MELK: variants seen among roughly 807,000 people sequenced by gnomAD.
MELK encodes maternal embryonic leucine zipper kinase, also known as pEg3 kinase.
MELK carries 81 observed loss-of-function variants against 85.0 expected under a neutral mutation model. The observed-to-expected ratio is 0.95, with a 90% CI of 0.80 to 1.15. The LOEUF (loss-of-function observed/expected upper bound fraction) is 1.15. Among genes scored for constraint, MELK ranks in the 50% most tolerant of loss-of-function variants. The probability of loss-of-function intolerance (pLI) is 0.00; values close to 1 mark genes in which losing one functional copy is unlikely to be tolerated. For missense variants in MELK, 754 were observed against 777.5 expected (o/e 0.97, Z 0.36); for synonymous variants, 252 against 265.0 (o/e 0.95, Z 0.48).
chr9:36,648,067 A>T (rs1351548702), intron 11 of MELK, among the ~76,000 whole-genome samples: 1 of 152,328 alleles, frequency 6.6e-6, no homozygotes, highest in East Asian at 1.9e-4. Context: ...ACACTTTTGT[A>T]GGGCAGATAG....
intron 17 of MELK, among the ~76,000 whole-genome samples, chr9:36,675,737 G>A (rs2138296651): frequency 6.6e-6 from 1 of 152,180 alleles, no homozygotes; most frequent in South Asian, 2.1e-4. Flanking sequence ...TCAATAGCCA[G>A]GCCTCTTCTG....
At chr9:36,632,095 G>A (rs112967132) in intron 9 of MELK, among the ~76,000 whole-genome samples, 2,173 of 152,264 alleles carry the variant, frequency 0.014, 49 homozygotes, top group African/African-American at 0.05. Context: ...AAATTACCCC[G>A]GGCTTGTTAA....
At chr9:36,574,843 A>AC (rs1351123971) in intron 1 of MELK, among the ~76,000 whole-genome samples, 1 of 151,564 alleles carries the variant, frequency 6.6e-6, no homozygotes, top group Non-Finnish European at 1.5e-5. Flanking sequence ...GAAGTTAAAG[A>AC]CCCCAATTAT....
intron 4 of MELK, among the ~76,000 whole-genome samples, chr9:36,593,980 G>GT (rs1056505353): frequency 6.6e-6 from 1 of 152,176 alleles, no homozygotes; most frequent in Non-Finnish European, 1.5e-5. Flanking sequence ...CCAAAGTACT[G>GT]TTTTTTGATA....
chr9:36,625,414 A>G (rs1455433032), intron 8 of MELK, among the ~76,000 whole-genome samples: 2 of 152,164 alleles, frequency 1.3e-5, no homozygotes, highest in African/African-American at 4.8e-5. Context: ...CTCAGATACG[A>G]GAGTGGGGCC....
At chr9:36,597,648 G>A (rs1027036689) in intron 6 of MELK, among the ~76,000 whole-genome samples, 2 of 152,140 alleles carry the variant, frequency 1.3e-5, no homozygotes, top group East Asian at 3.8e-4. Flanking sequence ...TGTTTGTTTA[G>A]ATAAAAGTTG....
intron 4 of MELK, among the ~76,000 whole-genome samples, chr9:36,594,391 T>C (rs1214272318): frequency 6.6e-6 from 1 of 152,220 alleles, no homozygotes; most frequent in Non-Finnish European, 1.5e-5. Context: ...GTAGTTGGTT[T>C]TACTTCTACT....
chr9:36,587,406 T>C (rs1823026286), intron 3 of MELK, among the ~76,000 whole-genome samples: 3 of 151,520 alleles, frequency 2.0e-5, no homozygotes, highest in African/African-American at 7.3e-5. Context: ...AACCTCTGCC[T>C]CCTGGGTTCG....
Position 36,671,074 on chromosome 9 carries a change from G to C in MELK, c.1582G>C (p.Gly528Arg). ...AAAAAGAAAGGGAGCCAAAGTGTTT[G>C]GGAGCCTTGAAAGGGGGTTGGATAA... ...TPKRKGAKVF[G>R]SLERGLDKVI... The change falls in exon 16 of 18, where the codon GGG (glycine) becomes CGG (arginine). Residue 528 changes from glycine (G) to arginine (R), a missense_variant. By Grantham distance (125) the Gly-to-Arg change is moderately radical (BLOSUM62 -2). Coordinates refer to ENST00000298048, the MANE Select transcript of MELK (RefSeq NM_014791.4). 1 of 1,613,432 alleles carries C rather than the reference G, an allele frequency of 6.2e-7. No homozygotes were observed. The highest frequency in any genetic ancestry group is 8.5e-7 in the Non-Finnish European group (1 of 1,179,710).
At chr9:36,589,139 C>T (rs1466247659) in intron 3 of MELK, among the ~76,000 whole-genome samples, 1 of 151,800 alleles carries the variant, frequency 6.6e-6, no homozygotes, top group African/African-American at 2.4e-5. Flanking sequence ...TTTTTGATAG[C>T]TTTTGCTACT....
rs545064599 is a variant in MELK at position 36,588,167 on chromosome 9, C to T, written c.145-1369C>T. ...CACCTCCAGGGTTCAAGCAATTCTCCTGCCTCAGCCTCCAGAGTAGCTGGG... is the reference window on the plus strand; with the variant it reads ...CACCTCCAGGGTTCAAGCAATTCTCTTGCCTCAGCCTCCAGAGTAGCTGGG... On this transcript the variant is annotated intron_variant, in intron 3 of 17. Coordinates refer to ENST00000298048, the MANE Select transcript of MELK (RefSeq NM_014791.4). 1.3e-4 allele frequency among the ~76,000 whole-genome samples: 19 copies of T among 150,940 alleles called. No homozygotes were observed. In the East Asian group the frequency reaches 3.5e-3, roughly 28 times the overall value.
chr9:36,660,362 G>C (rs891580410), intron 13 of MELK, among the ~76,000 whole-genome samples: 2 of 151,922 alleles, frequency 1.3e-5, no homozygotes, highest in African/African-American at 2.4e-5. Context: ...CCGTCAACCA[G>C]GCTGGAGTCC....
intron 10 of MELK, among the ~76,000 whole-genome samples, chr9:36,637,091 C>T (rs1829295828): frequency 6.6e-6 from 1 of 151,242 alleles, no homozygotes; most frequent in South Asian, 2.1e-4. Flanking sequence ...CTCGGCCTCC[C>T]AAAGTGCTGG....
chr9:36,589,422 C>A, intron 3 of MELK, 114 bp from the exon 4 acceptor site: 1 of 774,484 alleles, frequency 1.3e-6, no homozygotes, highest in Non-Finnish European at 2.2e-6. Flanking sequence ...TGCGGGATTA[C>A]AGGTGTGAGC....
chr9:36,623,122 T>C (rs954075467), intron 8 of MELK, among the ~76,000 whole-genome samples: 1 of 152,184 alleles, frequency 6.6e-6, no homozygotes, highest in Admixed American at 6.5e-5. Context: ...GCAGCATCCA[T>C]TACCTTTACC....
intron 8 of MELK, among the ~76,000 whole-genome samples, chr9:36,624,311 C>G (rs1243579525): frequency 6.6e-6 from 1 of 152,078 alleles, no homozygotes; most frequent in African/African-American, 2.4e-5. Flanking sequence ...GGCTAAATAG[C>G]TTGTATAAGG....
chr9:36,636,160 G>C (rs1165462774), intron 10 of MELK, among the ~76,000 whole-genome samples: 1 of 151,960 alleles, frequency 6.6e-6, no homozygotes, highest in African/African-American at 2.4e-5. Context: ...TGGATATTTT[G>C]TGTATTAGTT....
intron 16 of MELK, among the ~76,000 whole-genome samples, chr9:36,671,443 G>C (rs1216352526): frequency 5.9e-5 from 9 of 152,198 alleles, no homozygotes; most frequent in Non-Finnish European, 1.5e-5. Context: ...GAGGAAGCAG[G>C]GGGCACAGAT....
chr9:36,675,649 G>A (rs1193399463), intron 17 of MELK, among the ~76,000 whole-genome samples: 3 of 152,082 alleles, frequency 2.0e-5, no homozygotes, highest in African/African-American at 7.2e-5. Context: ...CAGTGCTTTA[G>A]GAAGTTTTTT....
Sources: allele counts gnomAD v4.1 joint callset (sites outside exome capture counted in the v4.1 genomes callset), GRCh38; gene constraint gnomAD v4.1.1; transcripts MANE v1.5; gene names NCBI Gene and HGNC (gene_info 2026-07-23, HGNC 2026-07-21).